FARP1: variants seen among roughly 807,000 people sequenced by gnomAD.
The protein encoded by FARP1 is FERM, ARH/RhoGEF and pleckstrin domain protein 1.
Under a neutral mutation model 128.8 loss-of-function variants are expected in FARP1, and 52 were observed. The observed-to-expected ratio is 0.40, with a 90% CI of 0.32 to 0.51. The LOEUF (loss-of-function observed/expected upper bound fraction) is 0.51. Ranked by LOEUF, FARP1 falls within the 20% of genes least tolerant of loss-of-function variation. The pLI, the probability that FARP1 is intolerant of heterozygous loss-of-function variation, is 0.45. For synonymous variants in FARP1, 580 were observed against 551.8 expected (o/e 1.05, Z -0.72); for missense variants, 1,333 against 1,367.9 (o/e 0.97, Z 0.40).
At chr13:98,231,198 G>A (rs554476103) in intron 2 of FARP1, among the ~76,000 whole-genome samples, 1 of 152,044 alleles carries the variant, frequency 6.6e-6, no homozygotes, top group Non-Finnish European at 1.5e-5. Context: ...GACAAGCCTG[G>A]GTGCAAGGAT....
At chr13:98,438,739 C>A in intron 19 of FARP1, 65 bp from the exon 20 acceptor site, 2 of 1,359,630 alleles carry the variant, frequency 1.5e-6, no homozygotes, top group Non-Finnish European at 2.1e-6. Context: ...GGGGTCTGCA[C>A]ACTGGCCGTC....
chr13:98,304,312 G>A (rs1217998895), intron 2 of FARP1, among the ~76,000 whole-genome samples: 1 of 152,180 alleles, frequency 6.6e-6, no homozygotes. Context: ...TTACTAGGGA[G>A]TTTATCTTTA....
intron 2 of FARP1, among the ~76,000 whole-genome samples, chr13:98,339,131 A>G (rs752980280): frequency 1.3e-5 from 2 of 152,206 alleles, no homozygotes; most frequent in Non-Finnish European, 2.9e-5. Context: ...GTATTCGTCC[A>G]TTCTCACAGT....
intron 19 of FARP1, 70 bp from the exon 20 acceptor site, chr13:98,438,734 C>T: frequency 7.7e-7 from 1 of 1,301,092 alleles, no homozygotes; most frequent in Non-Finnish European, 1.1e-6. Flanking sequence ...CCCTCGGGGT[C>T]TGCACACTGG....
At chr13:98,179,026 C>CT (rs1346493232) in intron 1 of FARP1, among the ~76,000 whole-genome samples, 1 of 152,172 alleles carries the variant, frequency 6.6e-6, no homozygotes. Context: ...TGGAACCCAT[C>CT]TTTTTTCTTG....
intron 1 of FARP1, among the ~76,000 whole-genome samples, chr13:98,153,297 AAT>A (rs375607675): frequency 0.034 from 3,924 of 114,980 alleles, 229 homozygotes; most frequent in African/African-American, 0.11. Flanking sequence ...AATATATATA[AAT>A]ATATTTATAT....
intron 3 of FARP1, among the ~76,000 whole-genome samples, chr13:98,363,338 A>G (rs1177219751): frequency 1.3e-5 from 2 of 151,918 alleles, no homozygotes; most frequent in Non-Finnish European, 2.9e-5. Context: ...ATTGCTCCCT[A>G]CCTCTGCCCC....
At chr13:98,224,499 C>T in intron 2 of FARP1, among the ~76,000 whole-genome samples, 1 of 139,444 alleles carries the variant, frequency 7.2e-6, no homozygotes, top group East Asian at 2.3e-4. Flanking sequence ...TGCACTCCAG[C>T]CTGGGCGACA....
chr13:98,446,881 A>G (rs1892877647), intron 26 of FARP1, 64 bp downstream of exon 26: 1 of 1,569,724 alleles, frequency 6.4e-7, no homozygotes, highest in Admixed American at 1.7e-5. Context: ...AAACATCAGG[A>G]TTTCTCCCAA....
chr13:98,223,027 C>T (rs982051920), intron 2 of FARP1, among the ~76,000 whole-genome samples: 1 of 152,084 alleles, frequency 6.6e-6, no homozygotes, highest in East Asian at 1.9e-4. Flanking sequence ...ATATCATCTC[C>T]ACATGGTAGT....
intron 2 of FARP1, among the ~76,000 whole-genome samples, chr13:98,220,087 C>T (rs775629021): frequency 1.3e-5 from 2 of 150,916 alleles, no homozygotes; most frequent in African/African-American, 2.4e-5. Context: ...GTGAAATACA[C>T]ATTTAACTAA....
At chr13:98,413,204 G>GGT (rs1891256025) in intron 16 of FARP1, among the ~76,000 whole-genome samples, 2 of 152,212 alleles carry the variant, frequency 1.3e-5, no homozygotes, top group Admixed American at 6.5e-5. Context: ...GAGAGAGGGA[G>GGT]GTGACAGGCA....
chr13:98,372,045 G>A (rs1396855903), intron 5 of FARP1, among the ~76,000 whole-genome samples: 5 of 150,568 alleles, frequency 3.3e-5, no homozygotes. Context: ...TCAAAACAAC[G>A]AGTGAGGGTC....
chr13:98,212,596 C>T (rs1228342106), intron 1 of FARP1, among the ~76,000 whole-genome samples: 3 of 121,056 alleles, frequency 2.5e-5, no homozygotes, highest in African/African-American at 1.0e-4. Context: ...AGAATGGCTT[C>T]TTGGGAAAGG....
chr13:98,295,044 ATT>A (rs1205636821), intron 2 of FARP1, among the ~76,000 whole-genome samples: 67 of 133,444 alleles, frequency 5.0e-4, no homozygotes, highest in African/African-American at 1.6e-3. Flanking sequence ...ATATATATAT[ATT>A]ACACACACAC....
intron 2 of FARP1, among the ~76,000 whole-genome samples, chr13:98,320,996 T>C (rs1342904076): frequency 6.6e-6 from 1 of 152,158 alleles, no homozygotes; most frequent in Non-Finnish European, 1.5e-5. Flanking sequence ...CCTTTCAATG[T>C]CTGTGACTCA....
intron 1 of FARP1, among the ~76,000 whole-genome samples, chr13:98,206,668 A>G (rs1880289301): frequency 6.6e-6 from 1 of 152,196 alleles, no homozygotes; most frequent in South Asian, 2.1e-4. Context: ...TGCAAGAGGA[A>G]GTCCTTATAA....
chr13:98,379,227 TC>T (rs1889794415), intron 6 of FARP1, among the ~76,000 whole-genome samples: 2 of 122,460 alleles, frequency 1.6e-5, no homozygotes, highest in Admixed American at 2.2e-4. Context: ...ATATAATCTA[TC>T]TATATATAAT....
chr13:98,404,743 G>A (rs927608395), intron 13 of FARP1: 2 of 152,198 alleles, frequency 1.3e-5, no homozygotes, highest in African/African-American at 4.8e-5. Context: ...ATAATTTTAT[G>A]TGGGGGAATA....
Sources: allele counts gnomAD v4.1 joint callset (sites outside exome capture counted in the v4.1 genomes callset), GRCh38; gene constraint gnomAD v4.1.1; transcripts MANE v1.5; gene names NCBI Gene and HGNC (gene_info 2026-07-23, HGNC 2026-07-21).